The following INVS variants were observed in gnomAD, a reference collection of about 807,000 sequenced individuals.
INVS encodes inversin, also known as inversion of embryo turning homolog.
INVS carries 86 observed loss-of-function variants against 108.8 expected under a neutral mutation model. The ratio of observed to expected loss-of-function variants is 0.79; its 90% CI spans 0.66 to 0.95. The LOEUF is 0.95. Ranked by LOEUF, INVS falls within the 40% of genes least tolerant of loss-of-function variation. The pLI, the probability that INVS is intolerant of heterozygous loss-of-function variation, is 0.00. For missense variants in INVS, 1,169 were observed against 1,297.4 expected, an observed-to-expected ratio of 0.90 and a Z score of 1.52; for synonymous variants, 455 against 473.5, an observed-to-expected ratio of 0.96 and a Z score of 0.51.
chr9:100,172,137 G>T (rs1829561369), intron 3 of INVS, among the ~76,000 whole-genome samples: 1 of 152,008 alleles, frequency 6.6e-6, no homozygotes, highest in Admixed American at 6.6e-5. Flanking sequence ...GCAGATTGAA[G>T]TTAAAATTAA....
At chr9:100,257,735 C>A (rs1050446109) in intron 10 of INVS, among the ~76,000 whole-genome samples, 1 of 152,184 alleles carries the variant, frequency 6.6e-6, no homozygotes, top group Non-Finnish European at 1.5e-5. Flanking sequence ...GAATATCGGC[C>A]CCCACTCTCT....
intron 15 of INVS, 97 bp downstream of exon 15, chr9:100,297,243 T>C: frequency 1.0e-6 from 1 of 984,820 alleles, no homozygotes; most frequent in South Asian, 1.4e-5. Context: ...TAAACTTCCA[T>C]TCAGATAAAT....
Position 100,292,877 on chromosome 9 carries a change from T to A in INVS, c.2620T>A (p.Ser874Thr). The A allele has an allele frequency of 6.2e-7, 1 of 1,614,144 alleles. No individual in the cohort carries two copies. Among genetic ancestry groups the A allele is most frequent in the East Asian group, 2.2e-5 (1 of 44,870 alleles). Residue 874 changes from serine to threonine, a missense_variant, in exon 14 of 17, where the codon TCT (serine) becomes ACT (threonine). This residue lies in a region of INVS where 533 missense variants were observed against 536.0 expected (regional missense o/e 0.99). Transcript: ENST00000262457. ...TSTLSEDFQV[S>T]KETDPAPGPL... ...TACCCTGTCCGAGGACTTTCAGGTA[T>A]CTAAGGAGACTGATCCAGCACCTGG...
At chr9:100,110,326 G>A (rs1473984051) in intron 2 of INVS, among the ~76,000 whole-genome samples, 1 of 152,170 alleles carries the variant, frequency 6.6e-6, no homozygotes, top group African/African-American at 2.4e-5. Flanking sequence ...TTGAGATGCA[G>A]AGAGGTTAAG....
intron 3 of INVS, among the ~76,000 whole-genome samples, chr9:100,128,218 GT>G (rs1285683995): frequency 1.3e-5 from 2 of 152,034 alleles, no homozygotes; most frequent in African/African-American, 4.8e-5. Flanking sequence ...GTTTTCTTTA[GT>G]TTTTTTGTTT....
intron 4 of INVS, among the ~76,000 whole-genome samples, chr9:100,228,627 A>G (rs1831410323): frequency 6.6e-6 from 1 of 152,220 alleles, no homozygotes; most frequent in African/African-American, 2.4e-5. Context: ...CAGTGTTATC[A>G]GTACCGGATG....
chr9:100,230,351 C>T (rs1241149759), intron 5 of INVS, among the ~76,000 whole-genome samples: 1 of 152,004 alleles, frequency 6.6e-6, no homozygotes, highest in African/African-American at 2.4e-5. Flanking sequence ...GTTATCATTC[C>T]CCTGATTTCC....
At chr9:100,250,588 A>G (rs967872369) in intron 8 of INVS, among the ~76,000 whole-genome samples, 3 of 152,182 alleles carry the variant, frequency 2.0e-5, no homozygotes, top group Admixed American at 6.5e-5. Context: ...CAAAGATTCT[A>G]TGTCAAATCC....
At chr9:100,226,871 C>T (rs1474221057) in intron 4 of INVS, among the ~76,000 whole-genome samples, 1 of 145,250 alleles carries the variant, frequency 6.9e-6, no homozygotes, top group Non-Finnish European at 1.5e-5. Context: ...CAATATTTGA[C>T]AGGGAGTCAT....
chr9:100,195,232 G>A (rs1830337402), intron 3 of INVS, among the ~76,000 whole-genome samples: 1 of 152,164 alleles, frequency 6.6e-6, no homozygotes, highest in Non-Finnish European at 1.5e-5. Context: ...TTTGATTCTA[G>A]TTCGCTGAGA....
intron 3 of INVS, among the ~76,000 whole-genome samples, chr9:100,145,060 A>G (rs1236699283): frequency 6.6e-6 from 1 of 152,166 alleles, no homozygotes; most frequent in Non-Finnish European, 1.5e-5. Context: ...ATTGGGGTCA[A>G]GCGGCATTGT....
At chr9:100,160,172 G>A (rs1326712017) in intron 3 of INVS, among the ~76,000 whole-genome samples, 1 of 152,156 alleles carries the variant, frequency 6.6e-6, no homozygotes, top group African/African-American at 2.4e-5. Context: ...GGCATATTCT[G>A]TTCCACTCTC....
intron 2 of INVS, chr9:100,117,618 G>A: frequency 1.6e-5 from 3 of 185,192 alleles, no homozygotes; most frequent in South Asian, 3.7e-5. Context: ...CGCCCCCCCC[G>A]CCCACCTCCC....
At chr9:100,153,013 G>GTGTA (rs542952850) in intron 3 of INVS, among the ~76,000 whole-genome samples, 1,720 of 151,966 alleles carry the variant, frequency 0.011, 25 homozygotes, top group African/African-American at 0.038. Context: ...AATTGTGTGT[G>GTGTA]TGTGTGTGTG....
At chr9:100,124,181 T>A (rs1588018319) in intron 2 of INVS, among the ~76,000 whole-genome samples, 1 of 80,364 alleles carries the variant, frequency 1.2e-5, no homozygotes, top group African/African-American at 4.3e-5. Context: ...TTTCTGAGTG[T>A]GTGTGTGTGT....
At chr9:100,189,136 T>C (rs925489886) in intron 3 of INVS, among the ~76,000 whole-genome samples, 2 of 135,850 alleles carry the variant, frequency 1.5e-5, no homozygotes, top group Non-Finnish European at 3.1e-5. Context: ...TTGGTTAATA[T>C]AGCTAATGGT....
rs996528472 is a variant in INVS at position 100,192,867 on chromosome 9, T to C, written c.274-33195T>C. Among the ~76,000 whole-genome samples, 24 of 152,162 alleles carry C rather than the reference T, an allele frequency of 1.6e-4. 1 individual carries two copies. Among genetic ancestry groups the C allele is most frequent in the Admixed American group, 1.6e-3 (24 of 15,270 alleles). On this transcript the variant is annotated intron_variant, in intron 3 of 16. Coordinates refer to ENST00000262457, the MANE Select transcript of INVS (RefSeq NM_014425.5). ...TATTTTCTTTTGTGAAGTTGTGTGC[T>C]CAAGTCCTTTACCCATTTTTTTCTG... is the stretch of plus-strand genomic sequence containing the variant.
At chr9:100,113,899 T>C (rs7846794) in intron 2 of INVS, among the ~76,000 whole-genome samples, 102,915 of 152,038 alleles carry the variant, frequency 0.68, 36,055 homozygotes, top group East Asian at 0.91. Flanking sequence ...ATTTTGTCTA[T>C]TCACTTCCTC....
At chr9:100,192,248 AGTGTGT>A (rs58132596) in intron 3 of INVS, among the ~76,000 whole-genome samples, 81 of 145,014 alleles carry the variant, frequency 5.6e-4, no homozygotes, top group African/African-American at 1.3e-3. Context: ...GGGAAAAAAG[AGTGTGT>A]GTGTGTGTGT....
Sources: allele counts gnomAD v4.1 joint callset (sites outside exome capture counted in the v4.1 genomes callset), GRCh38; gene constraint gnomAD v4.1.1; regional missense constraint gnomAD v4.1.1; transcripts MANE v1.5; gene names NCBI Gene and HGNC (gene_info 2026-07-23, HGNC 2026-07-21).